The following CHODL variants were observed in gnomAD, a reference collection of about 807,000 sequenced individuals.
The protein encoded by CHODL is transmembrane protein MT75.
CHODL carries 29 observed loss-of-function variants against 34.5 expected under a neutral mutation model. That is an observed-to-expected ratio of 0.84 (90% CI 0.63 to 1.15). CHODL has a LOEUF of 1.15. Ranked by LOEUF, CHODL falls within the 50% of genes most tolerant of loss-of-function variation. The probability of loss-of-function intolerance (pLI) is 0.00; values close to 1 mark genes in which losing one functional copy is unlikely to be tolerated. For synonymous variants in CHODL, 125 were observed against 116.1 expected (o/e 1.08, Z -0.49); for missense variants, 332 against 332.5 (o/e 1.00, Z 0.01).
At chr21:18,182,222 A>C (rs548784538) in intron 2 of CHODL, among the ~76,000 whole-genome samples, 3 of 152,288 alleles carry the variant, frequency 2.0e-5, no homozygotes, top group African/African-American at 7.2e-5. Context: ...TACTTTGAAG[A>C]CTACTCTTGA....
chr21:18,010,158 C>A (rs919458781), intron 1 of CHODL, among the ~76,000 whole-genome samples: 4 of 129,844 alleles, frequency 3.1e-5, no homozygotes, highest in African/African-American at 8.6e-5. Context: ...ATTAGCCGGG[C>A]GTGGTGGCGG....
At chr21:17,961,413 A>T (rs1172752007) in intron 1 of CHODL, among the ~76,000 whole-genome samples, 2 of 152,248 alleles carry the variant, frequency 1.3e-5, no homozygotes, top group South Asian at 2.1e-4. Flanking sequence ...GACATCTTGC[A>T]CTGCTGCTTT....
chr21:17,932,219 GATC>G (rs1340010968), intron 1 of CHODL, among the ~76,000 whole-genome samples: 1 of 152,124 alleles, frequency 6.6e-6, no homozygotes, highest in Non-Finnish European at 1.5e-5. Context: ...CAACATTACT[GATC>G]ATCAGAAAAG....
At chr21:18,099,967 C>A (rs1020967920) in intron 2 of CHODL, 2 of 151,922 alleles carry the variant, frequency 1.3e-5, no homozygotes, top group Non-Finnish European at 2.9e-5. Flanking sequence ...AGATGTTATC[C>A]ACATATAAAG....
At chr21:18,101,714 A>C (rs895742749) in intron 2 of CHODL, among the ~76,000 whole-genome samples, 1 of 144,816 alleles carries the variant, frequency 6.9e-6, no homozygotes, top group Non-Finnish European at 1.5e-5. Flanking sequence ...CATTTACAAC[A>C]TTTTTTTTTT....
intron 1 of CHODL, among the ~76,000 whole-genome samples, chr21:17,990,491 AT>A (rs1269300235): frequency 2.0e-5 from 3 of 152,148 alleles, no homozygotes; most frequent in Non-Finnish European, 4.4e-5. Context: ...ATGTTAGAAT[AT>A]TTGGTTACAT....
chr21:18,201,799 A>AATT (rs2073655117), intron 2 of CHODL, among the ~76,000 whole-genome samples: 1 of 138,290 alleles, frequency 7.2e-6, no homozygotes, highest in Non-Finnish European at 1.6e-5. Flanking sequence ...ATTTTTAAAA[A>AATT]CTTTTTTTTT....
chr21:18,079,078 A>G (rs1276791661), intron 2 of CHODL, among the ~76,000 whole-genome samples: 1 of 152,126 alleles, frequency 6.6e-6, no homozygotes, highest in Non-Finnish European at 1.5e-5. Context: ...CCCATCACCT[A>G]AATAGTGAAT....
chr21:18,229,738 T>C (rs891406594), intron 2 of CHODL, among the ~76,000 whole-genome samples: 1 of 152,120 alleles, frequency 6.6e-6, no homozygotes, highest in African/African-American at 2.4e-5. Flanking sequence ...CAGAATGTAT[T>C]CACCCCTACT....
chr21:18,056,365 TAAAG>T (rs149455922), intron 2 of CHODL, among the ~76,000 whole-genome samples: 6,890 of 151,616 alleles, frequency 0.045, 502 homozygotes, highest in African/African-American at 0.16. Context: ...ATCTTAAAAA[TAAAG>T]AATTATTTAT....
intron 1 of CHODL, among the ~76,000 whole-genome samples, chr21:17,919,076 T>C (rs2063163547): frequency 6.6e-6 from 1 of 152,164 alleles, no homozygotes; most frequent in African/African-American, 2.4e-5. Context: ...CAGGGTAAAG[T>C]CCCGCTCCTG....
At position 18,263,190 on chromosome 21, in the gene CHODL, A is replaced by T. The variant is rs183435448; in HGVS notation, c.737+297A>T. Among the ~76,000 whole-genome samples the T allele has an allele frequency of 2.6e-5, 4 of 152,244 alleles. No individual in the cohort carries two copies. The East Asian group carries it at 7.7e-4, about 29-fold the overall frequency. ...AGTTAGTGTCCACGGTGAATCTGAA[A>T]TTTGGATGTTTGTAAACTTCCAACA... On this transcript the variant is annotated intron_variant, in intron 5 of 5. Coordinates refer to ENST00000299295, the MANE Select transcript of CHODL (RefSeq NM_024944.3).
At chr21:17,940,641 ATACATTTATATTTTATGC>A (rs1167539069) in intron 1 of CHODL, among the ~76,000 whole-genome samples, 2 of 152,234 alleles carry the variant, frequency 1.3e-5, no homozygotes, top group African/African-American at 4.8e-5. Flanking sequence ...TTATAAAGCT[ATACATTTATATTTTATGC>A]ACTTAAAACG....
intron 2 of CHODL, among the ~76,000 whole-genome samples, chr21:18,069,524 T>C (rs994555215): frequency 1.1e-4 from 15 of 139,074 alleles, no homozygotes; most frequent in African/African-American, 3.8e-4. Flanking sequence ...AAGGGGATTA[T>C]ATATATATAT....
At chr21:18,200,358 G>A (rs1601139613) in intron 2 of CHODL, among the ~76,000 whole-genome samples, 1 of 152,176 alleles carries the variant, frequency 6.6e-6, no homozygotes, top group Middle Eastern at 3.4e-3. Context: ...CAAGTAAGTT[G>A]TTTACCTCAA....
intron 2 of CHODL, among the ~76,000 whole-genome samples, chr21:18,125,597 T>G (rs1403740417): frequency 6.6e-6 from 1 of 152,046 alleles, no homozygotes; most frequent in East Asian, 1.9e-4. Context: ...ATTTAATTAA[T>G]TAATTAATTA....
At chr21:17,953,456 G>A (rs2063474328) in intron 1 of CHODL, among the ~76,000 whole-genome samples, 1 of 151,972 alleles carries the variant, frequency 6.6e-6, no homozygotes, top group Admixed American at 6.6e-5. Context: ...GACAGAATGA[G>A]ATTCTGTCTC....
chr21:18,185,357 CT>C (rs76298862), intron 2 of CHODL, among the ~76,000 whole-genome samples: 2 of 152,254 alleles, frequency 1.3e-5, no homozygotes, highest in South Asian at 4.1e-4. Context: ...TGAACTCATT[CT>C]TTTTTATGGC....
At chr21:18,029,261 A>T (rs2064219676) in intron 2 of CHODL, among the ~76,000 whole-genome samples, 1 of 152,130 alleles carries the variant, frequency 6.6e-6, no homozygotes, top group South Asian at 2.1e-4. Flanking sequence ...TTAAACATAT[A>T]TATTGATGTG....
Sources: gnomAD v4.1 joint callset for allele counts (sites outside exome capture counted in the v4.1 genomes callset) on GRCh38, gnomAD v4.1.1 for gene constraint, MANE v1.5 for transcripts, NCBI Gene and HGNC (gene_info 2026-07-23, HGNC 2026-07-21) for gene names.